Variants in CDH4 observed in about 807,000 individuals in gnomAD.
CDH4 encodes the protein cadherin 4.
Under a neutral mutation model 86.0 loss-of-function variants are expected in CDH4, and 33 were observed. The observed-to-expected ratio is 0.38, with a 90% CI of 0.29 to 0.51. The LOEUF (loss-of-function observed/expected upper bound fraction) is 0.51, where lower values mean the gene tolerates loss of function less well. Ranked by LOEUF, CDH4 falls within the 20% of genes least tolerant of loss-of-function variation. The pLI is 0.86. For synonymous variants in CDH4, 555 were observed against 549.4 expected (o/e 1.01, Z -0.14); for missense variants, 1,114 against 1,307.4 (o/e 0.85, Z 2.28).
chr20:61,895,121 C>T (rs1376344844), intron 8 of CDH4, 74 bp downstream of exon 8: 5 of 1,537,426 alleles, frequency 3.3e-6, no homozygotes, highest in Admixed American at 3.7e-5. Context: ...GGCACAGCCT[C>T]CTCTCTCTCT....
At chr20:61,932,917 G>A (rs1208416344) in intron 13 of CDH4, 68 bp from the exon 14 acceptor site, 5 of 1,571,328 alleles carry the variant, frequency 3.2e-6, no homozygotes, top group African/African-American at 1.3e-5. Context: ...ATAGACACAT[G>A]GCAAACACAG....
chr20:61,338,790 C>T (rs536499561), intron 2 of CDH4, among the ~76,000 whole-genome samples: 6 of 152,114 alleles, frequency 3.9e-5, no homozygotes, highest in East Asian at 1.9e-4. Context: ...ATCCTCAGGG[C>T]GAAGATAATA....
At chr20:61,647,609 A>C (rs1257703738) in intron 2 of CDH4, among the ~76,000 whole-genome samples, 1 of 133,072 alleles carries the variant, frequency 7.5e-6, no homozygotes, top group Non-Finnish European at 1.6e-5. Context: ...CAAGGTGTCA[A>C]GGGGCTTTAG....
intron 2 of CDH4, among the ~76,000 whole-genome samples, chr20:61,351,571 A>T (rs750787795): frequency 6.6e-6 from 1 of 152,146 alleles, no homozygotes; most frequent in Admixed American, 6.5e-5. Flanking sequence ...GCAGGTATGT[A>T]TGTGTATGGG....
rs1201609184 is a variant in CDH4 at position 61,565,307 on chromosome 20, T to A, written c.170-178256T>A. On this transcript the variant is annotated intron_variant, in intron 2 of 15. Coordinates refer to ENST00000614565, the MANE Select transcript of CDH4 (RefSeq NM_001794.5). ...TGGGGTGATGGTGGTGGCGGTGCTC[T>A]TGGTGGTGGCGGTGCTCTTGGTGAT... Among the ~76,000 whole-genome samples, 3 of 42,554 alleles carry A rather than the reference T, an allele frequency of 7.0e-5. 1 individual carries two copies. Among genetic ancestry groups the A allele is most frequent in the African/African-American group, 1.3e-4 (1 of 7,798 alleles). The allele number at this position is 42,554 out of a possible 152,430, so 27.9% of individuals were successfully genotyped here.
At position 61,417,752 on chromosome 20, in the gene CDH4, C is replaced by A. The variant is rs570584441; in HGVS notation, c.169+162815C>A. On this transcript the variant is annotated intron_variant, in intron 2 of 15. Coordinates refer to ENST00000614565, the MANE Select transcript of CDH4 (RefSeq NM_001794.5). The surrounding 1 kb of genome is among the most constrained non-coding windows in gnomAD (Gnocchi z 4.0). ...ACATGGCGGGAAGTGGGCACAGGAG[C>A]CTTGACCTGACAAGGTCCTCGAGGC... Among the ~76,000 whole-genome samples, 1 of 152,108 alleles carries A rather than the reference C, an allele frequency of 6.6e-6. No homozygotes were observed. Among genetic ancestry groups the A allele is most frequent in the Non-Finnish European group, 1.5e-5 (1 of 68,028 alleles).
At chr20:61,363,712 C>T (rs1434377400) in intron 2 of CDH4, among the ~76,000 whole-genome samples, 1 of 152,132 alleles carries the variant, frequency 6.6e-6, no homozygotes, top group Non-Finnish European at 1.5e-5. Context: ...AGAGAATCAA[C>T]GTGGCCAGAG....
chr20:61,720,089 T>C (rs1197875620), intron 2 of CDH4, among the ~76,000 whole-genome samples: 4 of 152,072 alleles, frequency 2.6e-5, no homozygotes, highest in South Asian at 2.1e-4. Flanking sequence ...CGGTGGGGGT[T>C]GGGGAGTGCC....
At chr20:61,506,593 T>C (rs1166238415) in intron 2 of CDH4, among the ~76,000 whole-genome samples, 1 of 152,248 alleles carries the variant, frequency 6.6e-6, no homozygotes, top group East Asian at 1.9e-4. Context: ...AAAGAATTAA[T>C]TCAGTGGATA....
intron 2 of CDH4, among the ~76,000 whole-genome samples, chr20:61,487,147 A>G (rs1186722249): frequency 6.6e-6 from 1 of 152,170 alleles, no homozygotes; most frequent in Non-Finnish European, 1.5e-5. Flanking sequence ...GTCCAGTTTT[A>G]TTTCTGTGTA....
rs28670681 is a variant in CDH4 at position 61,361,063 on chromosome 20, A to G, written c.169+106126A>G. Among the ~76,000 whole-genome samples the G allele has an allele frequency of 6.4e-3, 974 of 152,180 alleles. 17 individuals are homozygous for G. The highest frequency in any genetic ancestry group is 0.057 in the South Asian group (275 of 4,814). ...AGAGGAGACAGGAGACTCAGGGAAA[A>G]GCAGGCAAGAGACGAGGCTGGCGTC... On this transcript the variant is annotated intron_variant, in intron 2 of 15. Transcript: ENST00000614565.
chr20:61,530,544 C>A (rs568648284), intron 2 of CDH4, among the ~76,000 whole-genome samples: 1 of 152,230 alleles, frequency 6.6e-6, no homozygotes, highest in Non-Finnish European at 1.5e-5. Flanking sequence ...CTTCCCCTGG[C>A]TCCCCCAGAA....
Position 61,879,576 on chromosome 20 carries a change from C to T in CDH4, c.1050+5676C>T, listed in dbSNP as rs1348264805. ...GAGCGCTTCTACTTGATTAAGATGT[C>T]AGGAGAGGCTTCGATAAGACCTGAG... On this transcript the variant is annotated intron_variant, in intron 7 of 15. Transcript: ENST00000614565. The surrounding 1 kb of genome is among the most constrained non-coding windows in gnomAD (Gnocchi z 4.1). Among the ~76,000 whole-genome samples the T allele has an allele frequency of 6.6e-6, 1 of 152,168 alleles. No homozygotes were observed. The highest frequency in any genetic ancestry group is 1.5e-5 in the Non-Finnish European group (1 of 68,042).
intron 4 of CDH4, among the ~76,000 whole-genome samples, chr20:61,775,557 A>T (rs958365930): frequency 4.6e-5 from 7 of 152,228 alleles, no homozygotes; most frequent in Non-Finnish European, 7.3e-5. Flanking sequence ...GTGTTCCACT[A>T]AAACTTTATT....
At chr20:61,715,743 C>T (rs745454954) in intron 2 of CDH4, among the ~76,000 whole-genome samples, 1 of 152,196 alleles carries the variant, frequency 6.6e-6, no homozygotes, top group African/African-American at 2.4e-5. Flanking sequence ...GGATGTGACT[C>T]AGGTCTCAGA....
At chr20:61,843,456 C>CAAAAAAAAA (rs869283452) in intron 4 of CDH4, among the ~76,000 whole-genome samples, 1 of 58,834 alleles carries the variant, frequency 1.7e-5, no homozygotes, top group Non-Finnish European at 2.9e-5. Flanking sequence ...GACTCCGTCT[C>CAAAAAAAAA]AAAAAAAAAA....
chr20:61,762,184 C>T (rs2088642125), intron 3 of CDH4, among the ~76,000 whole-genome samples: 1 of 152,216 alleles, frequency 6.6e-6, no homozygotes, highest in South Asian at 2.1e-4. Context: ...CTAGTGACAC[C>T]TCCGAGATCT....
At chr20:61,399,518 C>T (rs899954903) in intron 2 of CDH4, among the ~76,000 whole-genome samples, 2 of 152,204 alleles carry the variant, frequency 1.3e-5, no homozygotes, top group Admixed American at 1.3e-4. Flanking sequence ...GCCCCTGGCT[C>T]ATCTCCCAGC....
At chr20:61,430,674 G>A (rs945066233) in intron 2 of CDH4, among the ~76,000 whole-genome samples, 1 of 152,212 alleles carries the variant, frequency 6.6e-6, no homozygotes, top group African/African-American at 2.4e-5. Flanking sequence ...TCAGTCGCCA[G>A]TCCTGCTTCC....
Sources: allele counts gnomAD v4.1 joint callset (sites outside exome capture counted in the v4.1 genomes callset), GRCh38; gene constraint gnomAD v4.1.1; non-coding constraint Gnocchi (gnomAD v3.1); transcripts MANE v1.5; gene names NCBI Gene and HGNC (gene_info 2026-07-23, HGNC 2026-07-21).